Variants in ZNF600 observed in about 807,000 individuals in gnomAD.
ZNF600 encodes zinc finger protein 600.
Under a neutral mutation model 7.3 loss-of-function variants are expected in ZNF600, and 4 were observed. That is an observed-to-expected ratio of 0.55 (90% CI 0.27 to 1.25). The LOEUF is 1.25. Ranked by LOEUF, ZNF600 falls within the 50% of genes most tolerant of loss-of-function variation. ZNF600 has a pLI of 0.12. For missense variants in ZNF600, 911 were observed against 922.1 expected (o/e 0.99, Z 0.16); for synonymous variants, 290 against 308.9 (o/e 0.94, Z 0.64).
At chr19:52,788,472 C>G (rs2062782838), upstream of ZNF600, among the ~76,000 whole-genome samples, 1 of 152,154 alleles carries the variant, frequency 6.6e-6, no homozygotes, top group Non-Finnish European at 1.5e-5. Flanking sequence ...TCCCTCCTTT[C>G]CTGTGACAAA....
At chr19:52,785,147 C>T (rs56762764) in intron 1 of ZNF600, among the ~76,000 whole-genome samples, 21,485 of 151,796 alleles carry the variant, frequency 0.14, 1,748 homozygotes, top group Admixed American at 0.24. Context: ...TTGTGCTCCT[C>T]ATTTTGTACC....
chr19:52,831,652 G>A, the ZNF600 span, among the ~76,000 whole-genome samples: 10 of 152,042 alleles, frequency 6.6e-5, no homozygotes, highest in East Asian at 1.2e-3. Context: ...ACAGGTGCCC[G>A]CCACCACGCC....
upstream of ZNF600, chr19:52,786,826 C>A: frequency 6.4e-6 from 2 of 311,982 alleles, no homozygotes; most frequent in South Asian, 2.5e-5. Flanking sequence ...TGGACCTGGG[C>A]GGGGTAGAGG....
At chr19:52,792,917 T>G in the ZNF600 span, among the ~76,000 whole-genome samples, 2 of 151,654 alleles carry the variant, frequency 1.3e-5, no homozygotes, top group Non-Finnish European at 2.9e-5. Flanking sequence ...TTTGTATTGT[T>G]AGTAGAGACA....
the ZNF600 span, chr19:52,801,393 A>G: frequency 5.1e-5 from 83 of 1,614,086 alleles, no homozygotes; most frequent in Non-Finnish European, 6.7e-5. Flanking sequence ...AAATATGTGC[A>G]GTTCAGGCAG....
chr19:52,813,249 G>GAAAAAGAAAAAAAAAA, the ZNF600 span, among the ~76,000 whole-genome samples: 3 of 62,984 alleles, frequency 4.8e-5, no homozygotes, highest in African/African-American at 1.2e-4. Context: ...CTTGAATGGT[G>GAAAAAGAAAAAAAAAA]AAAAAAAAAA....
the ZNF600 span, chr19:52,800,855 C>G: frequency 6.2e-7 from 1 of 1,613,936 alleles, no homozygotes; most frequent in Non-Finnish European, 8.5e-7. Flanking sequence ...TGTCACAAAC[C>G]TTACATTTGT....
chr19:52,810,353 G>A, the ZNF600 span: 2 of 1,604,628 alleles, frequency 1.2e-6, no homozygotes, highest in East Asian at 2.2e-5. Context: ...CAGCAGAAGA[G>A]CTGGAAGCTC....
At chr19:52,829,915 A>C in the ZNF600 span, among the ~76,000 whole-genome samples, 1 of 152,170 alleles carries the variant, frequency 6.6e-6, no homozygotes, top group Non-Finnish European at 1.5e-5. Context: ...ACACAAAGGC[A>C]GTTTACAGCC....
At chr19:52,809,985 G>A in the ZNF600 span, 2 of 777,424 alleles carry the variant, frequency 2.6e-6, no homozygotes, top group Non-Finnish European at 4.5e-6. Flanking sequence ...GGAGTCTGAG[G>A]AACTGGAGCC....
intron 1 of ZNF600, among the ~76,000 whole-genome samples, chr19:52,785,212 T>C (rs2062754020): frequency 6.6e-6 from 1 of 151,914 alleles, no homozygotes; most frequent in African/African-American, 2.4e-5. Context: ...CTCTTCCACC[T>C]CTTCTGCTCC....
intron 2 of ZNF600, 78 bp downstream of exon 4, chr19:52,778,748 G>A (rs1385964306): frequency 3.1e-5 from 47 of 1,522,586 alleles, no homozygotes; most frequent in Non-Finnish European, 3.8e-5. Flanking sequence ...TTCAAACTCA[G>A]AAAAGACTGG....
upstream of ZNF600, among the ~76,000 whole-genome samples, chr19:52,791,587 G>GA (rs10644290): frequency 0.54 from 80,342 of 149,094 alleles, 22,421 homozygotes; most frequent in Non-Finnish European, 0.64. Context: ...TCCTGAATGT[G>GA]AAAAAAAAAA....
At chr19:52,806,494 A>C in the ZNF600 span, among the ~76,000 whole-genome samples, 3 of 152,050 alleles carry the variant, frequency 2.0e-5, no homozygotes, top group African/African-American at 7.3e-5. Context: ...GCACACGTCC[A>C]GGTTATGGTA....
At chr19:52,817,696 C>G in the ZNF600 span, among the ~76,000 whole-genome samples, 1 of 152,138 alleles carries the variant, frequency 6.6e-6, no homozygotes, top group Non-Finnish European at 1.5e-5. Context: ...ACCCTCACCC[C>G]GTCTCCATCC....
At chr19:52,801,670 A>C in the ZNF600 span, 13 of 1,611,504 alleles carry the variant, frequency 8.1e-6, 1 homozygote, top group Middle Eastern at 3.3e-4. Flanking sequence ...CCTGTTGAGA[A>C]GAATGTCTTC....
At chr19:52,810,243 C>A in the ZNF600 span, 1 of 1,231,208 alleles carries the variant, frequency 8.1e-7, no homozygotes, top group Non-Finnish European at 1.2e-6. Context: ...GAATATGAGT[C>A]TACCTCCAGG....
intron 3 of ZNF600, among the ~76,000 whole-genome samples, chr19:52,768,051 C>A (rs1361672499): frequency 1.3e-5 from 2 of 151,374 alleles, no homozygotes; most frequent in Non-Finnish European, 2.9e-5. Context: ...CCACTGTGAC[C>A]CTAAAGTGTA....
the ZNF600 span, among the ~76,000 whole-genome samples, chr19:52,803,075 A>T: frequency 6.7e-6 from 1 of 149,144 alleles, no homozygotes; most frequent in African/African-American, 2.5e-5. Context: ...TTTAAAAAAA[A>T]TTTTATGTAT....
Sources: allele counts gnomAD v4.1 joint callset (sites outside exome capture counted in the v4.1 genomes callset), GRCh38; gene constraint gnomAD v4.1.1; transcripts MANE v1.5; gene names NCBI Gene and HGNC (gene_info 2026-07-23, HGNC 2026-07-21).